The following STARD8 variants were observed in gnomAD, a reference collection of about 807,000 sequenced individuals.
The protein encoded by STARD8 is StAR related lipid transfer domain containing 8.
A neutral mutation model predicts 69.4 loss-of-function variants in STARD8; 25 were observed. The ratio of observed to expected loss-of-function variants is 0.36; its 90% CI spans 0.26 to 0.50. STARD8 has a LOEUF of 0.50. Ranked by LOEUF, STARD8 falls within the 20% of genes least tolerant of loss-of-function variation. The pLI, the probability that STARD8 is intolerant of heterozygous loss-of-function variation, is 0.96. For synonymous variants in STARD8, 389 were observed against 374.6 expected (o/e 1.04, Z -0.45); for missense variants, 921 against 932.5 (o/e 0.99, Z 0.16).
In STARD8 at chrX:68,682,147, C is replaced by T. The variant is rs527295918; in HGVS notation, c.79+16615C>T. Among the ~76,000 whole-genome samples the T allele has an allele frequency of 1.2e-3, 132 of 110,797 alleles. 1 individual carries two copies. Among genetic ancestry groups the T allele is most frequent in the African/African-American group, 4.1e-3 (125 of 30,426 alleles). On this transcript the variant is annotated intron_variant, in intron 2 of 14. Transcript: ENST00000374599. Reference sequence around the variant, plus strand: ...CCGAGTAGCTGGGACTACAGGCGCACACCACCACGCCTGGCTAATTTTTGT... The same window carrying T: ...CCGAGTAGCTGGGACTACAGGCGCATACCACCACGCCTGGCTAATTTTTGT...
intron 1 of STARD8, among the ~76,000 whole-genome samples, chrX:68,653,527 C>G (rs868057711): frequency 1.9e-5 from 1 of 52,278 alleles, no homozygotes; most frequent in Non-Finnish European, 3.7e-5. Flanking sequence ...ACACACCACA[C>G]ACACCACAGC....
chrX:68,661,200 G>C (rs1299087875), intron 1 of STARD8, among the ~76,000 whole-genome samples: 1 of 111,728 alleles, frequency 9.0e-6, no homozygotes, highest in Non-Finnish European at 1.9e-5. Flanking sequence ...AGAGGATGCT[G>C]GGGAGAGTGA....
intron 1 of STARD8, among the ~76,000 whole-genome samples, chrX:68,649,918 G>A (rs1449952500): frequency 9.0e-6 from 1 of 111,161 alleles, no homozygotes; most frequent in Non-Finnish European, 1.9e-5. Context: ...GGATGGGAGA[G>A]GAAGAAATGA....
At chrX:68,652,913 C>A (rs1602533979) in intron 1 of STARD8, among the ~76,000 whole-genome samples, 3 of 17,204 alleles carry the variant, frequency 1.7e-4, no homozygotes, top group East Asian at 3.8e-3. Flanking sequence ...CACACCACAC[C>A]ACACACACAC....
At chrX:68,692,847 G>A (rs2079886551) in intron 2 of STARD8, among the ~76,000 whole-genome samples, 1 of 112,701 alleles carries the variant, frequency 8.9e-6, no homozygotes, top group Non-Finnish European at 1.9e-5. Flanking sequence ...TTCTGTCTTT[G>A]TAAATGTGAG....
chrX:68,665,010 A>T (rs1004310237), intron 1 of STARD8, among the ~76,000 whole-genome samples: 16 of 112,230 alleles, frequency 1.4e-4, no homozygotes, highest in Admixed American at 3.8e-4. Context: ...AGTGATGTTC[A>T]ATGTCACATA....
intron 1 of STARD8, among the ~76,000 whole-genome samples, chrX:68,652,535 T>C (rs1352820926): frequency 9.0e-6 from 1 of 110,731 alleles, no homozygotes; most frequent in Admixed American, 9.6e-5. Flanking sequence ...GTATAAATAG[T>C]CCAATACGTG....
At chrX:68,694,282 T>A (rs2147906207) in intron 2 of STARD8, among the ~76,000 whole-genome samples, 1 of 112,488 alleles carries the variant, frequency 8.9e-6, no homozygotes, top group South Asian at 3.7e-4. Flanking sequence ...GCTGTATGGG[T>A]TTTCCCGTCG....
At chrX:68,697,167 C>T (rs1225828760) in intron 2 of STARD8, among the ~76,000 whole-genome samples, 5 of 112,162 alleles carry the variant, frequency 4.5e-5, no homozygotes, top group African/African-American at 1.3e-4. Flanking sequence ...ATTATCACAC[C>T]TAAAATAGTT....
At chrX:68,708,223 G>A (rs1459733316) in intron 2 of STARD8, among the ~76,000 whole-genome samples, 1 of 112,631 alleles carries the variant, frequency 8.9e-6, no homozygotes, top group Non-Finnish European at 1.9e-5. Context: ...AGAATGACAC[G>A]AGTTGTCTCA....
chrX:68,694,946 C>A, intron 2 of STARD8, among the ~76,000 whole-genome samples: 1 of 110,835 alleles, frequency 9.0e-6, no homozygotes, highest in Admixed American at 9.5e-5. Context: ...ATGCTTACCC[C>A]CAAGTCCCAG....
intron 2 of STARD8, among the ~76,000 whole-genome samples, chrX:68,677,655 T>C (rs1266232690): frequency 9.0e-6 from 1 of 111,621 alleles, no homozygotes; most frequent in Non-Finnish European, 1.9e-5. Context: ...TTTTCTAAAG[T>C]TACTTGGCTT....
chrX:68,692,022 A>G (rs1453621950), intron 2 of STARD8, among the ~76,000 whole-genome samples: 1 of 112,388 alleles, frequency 8.9e-6, no homozygotes, highest in Admixed American at 9.4e-5. Flanking sequence ...TAGGGAAATG[A>G]TAAAATCATT....
At chrX:68,687,640 T>A (rs1289257147) in intron 2 of STARD8, among the ~76,000 whole-genome samples, 1 of 112,343 alleles carries the variant, frequency 8.9e-6, no homozygotes, top group African/African-American at 3.2e-5. Context: ...ATGGGGACAC[T>A]GAGAGCCAGA....
chrX:68,722,730 G>A, intron 12 of STARD8, 84 bp downstream of exon 12: 1 of 986,360 alleles, frequency 1.0e-6, no homozygotes, highest in Non-Finnish European at 1.4e-6. Context: ...AAAGGAAGGA[G>A]CCGGGGAGGA....
Position 68,712,856 on chromosome X carries a change from TGTCA to T in STARD8, c.80-56_80-53del, listed in dbSNP as rs1373543342. ...GGGCAGCATGCACCTAGGGCCCTGG[TGTCA>T]GCACCCTCCTAACCCCATTTCTTTG... is the stretch of plus-strand genomic sequence containing the variant. On this transcript the variant is annotated intron_variant, in intron 2 of 14. Coordinates refer to ENST00000374599, the MANE Select transcript of STARD8 (RefSeq NM_001142503.3). 1.4e-5 allele frequency: 15 copies of T among 1,089,111 alleles called. No homozygotes were observed. The East Asian group carries it at 4.5e-4, about 33-fold the overall frequency. 89.8% of individuals were successfully genotyped at this position (1,089,111 alleles called of 1,213,427 possible).
In STARD8 at chrX:68,702,801, TA is replaced by T. The variant is rs1157311734; in HGVS notation, c.80-10102del. Among the ~76,000 whole-genome samples the T allele has an allele frequency of 2.9e-3, 297 of 104,202 alleles. 2 individuals carry two copies. Among genetic ancestry groups the T allele is most frequent in the African/African-American group, 7.2e-3 (205 of 28,650 alleles). 90.5% of individuals were successfully genotyped at this position (104,202 alleles called of 115,157 possible). ...GAAGATTCAATGACATAATACACAT[TA>T]AAAAAAAAAACTTAAAGAAATGTCT... On this transcript the variant is annotated intron_variant, in intron 2 of 14. Transcript: ENST00000374599.
chrX:68,708,844 C>T (rs1031903354), intron 2 of STARD8, among the ~76,000 whole-genome samples: 2 of 112,112 alleles, frequency 1.8e-5, no homozygotes, highest in Admixed American at 1.9e-4. Context: ...ACAGACATTC[C>T]TACCTCACTC....
chrX:68,715,184 T>C (rs1311386564), intron 3 of STARD8, 110 bp from the exon 4 acceptor site: 4 of 642,022 alleles, frequency 6.2e-6, no homozygotes, highest in Admixed American at 7.1e-5. Context: ...CTTTGCCTCT[T>C]GTCTTCCTGC....
Sources: allele counts gnomAD v4.1 joint callset (sites outside exome capture counted in the v4.1 genomes callset), GRCh38; gene constraint gnomAD v4.1.1; transcripts MANE v1.5; gene names NCBI Gene and HGNC (gene_info 2026-07-23, HGNC 2026-07-21).